The following CDH13 variants were observed in gnomAD, a reference collection of about 807,000 sequenced individuals.
The protein encoded by CDH13 is cadherin 13.
A neutral mutation model predicts 63.8 loss-of-function variants in CDH13; 24 were observed. The ratio of observed to expected loss-of-function variants is 0.38; its 90% CI spans 0.27 to 0.53. The LOEUF is 0.53. Ranked by LOEUF, CDH13 falls within the 20% of genes least tolerant of loss-of-function variation. CDH13 has a pLI of 0.85. For synonymous variants in CDH13, 503 were observed against 355.3 expected (o/e 1.42, Z -4.67); for missense variants, 1,049 against 903.1 (o/e 1.16, Z -2.07).
intron 1 of CDH13, among the ~76,000 whole-genome samples, chr16:82,842,824 A>T (rs1354889406): frequency 1.3e-5 from 2 of 152,102 alleles, no homozygotes; most frequent in Non-Finnish European, 2.9e-5. Context: ...GGGTGATGGG[A>T]GACAGTGACA....
rs1909525959 is a variant in CDH13 at position 82,976,489 on chromosome 16, C to T, written c.158-55521C>T. 2.0e-5 allele frequency among the ~76,000 whole-genome samples: 3 copies of T among 152,180 alleles called. No homozygotes were observed. In the South Asian group the frequency reaches 6.2e-4, roughly 31 times the overall value. On this transcript the variant is annotated intron_variant, in intron 2 of 13. Coordinates refer to ENST00000567109, the MANE Select transcript of CDH13 (RefSeq NM_001257.5). ...TCTTAGATGCTTTTCCAGTTATCCT[C>T]ATCATAGATTAAAATAATAATTGTT...
intron 4 of CDH13, among the ~76,000 whole-genome samples, chr16:83,150,790 C>T (rs2036946428): frequency 6.6e-6 from 1 of 152,212 alleles, no homozygotes; most frequent in South Asian, 2.1e-4. Flanking sequence ...AATGCTTGAG[C>T]TGGATTTCAA....
intron 1 of CDH13, among the ~76,000 whole-genome samples, chr16:82,687,247 T>C (rs927514165): frequency 6.6e-6 from 1 of 152,192 alleles, no homozygotes; most frequent in Non-Finnish European, 1.5e-5. Flanking sequence ...AGGCAGGGTT[T>C]AGCACAAGGG....
intron 5 of CDH13, among the ~76,000 whole-genome samples, chr16:83,270,943 C>G (rs915740482): frequency 2.8e-5 from 4 of 140,862 alleles, no homozygotes; most frequent in Non-Finnish European, 3.1e-5. Flanking sequence ...TCTTTCCCTT[C>G]CTCCCTCCCT....
intron 1 of CDH13, among the ~76,000 whole-genome samples, chr16:82,789,026 A>G (rs1870849): frequency 0.86 from 130,436 of 152,218 alleles, 56,976 homozygotes; most frequent in East Asian, 0.98. Flanking sequence ...CTGGGTTGCA[A>G]AGGAGGTTGC....
chr16:83,257,282 A>G (rs1276763133), intron 5 of CDH13, among the ~76,000 whole-genome samples: 1 of 152,176 alleles, frequency 6.6e-6, no homozygotes, highest in Non-Finnish European at 1.5e-5. Flanking sequence ...GGTTCAAAGA[A>G]GCCGAGACAG....
chr16:83,295,041 C>T (rs1018405370), intron 5 of CDH13, among the ~76,000 whole-genome samples: 2 of 151,970 alleles, frequency 1.3e-5, no homozygotes, highest in Non-Finnish European at 2.9e-5. Context: ...ACACATAGAC[C>T]AATTGAACAG....
At chr16:82,645,513 A>G (rs1416473198) in intron 1 of CDH13, among the ~76,000 whole-genome samples, 1 of 152,038 alleles carries the variant, frequency 6.6e-6, no homozygotes, top group African/African-American at 2.4e-5. Context: ...TCTAGTGGGC[A>G]GAGCTCAGGG....
intron 6 of CDH13, among the ~76,000 whole-genome samples, chr16:83,389,429 C>G (rs2091741410): frequency 6.6e-6 from 1 of 152,162 alleles, no homozygotes; most frequent in Non-Finnish European, 1.5e-5. Context: ...CCATTTGACC[C>G]CGAATTCCAA....
At chr16:82,928,860 C>G (rs1317491869) in intron 2 of CDH13, among the ~76,000 whole-genome samples, 1 of 152,218 alleles carries the variant, frequency 6.6e-6, no homozygotes, top group Non-Finnish European at 1.5e-5. Flanking sequence ...CACTTAGCCT[C>G]TTTTCTTCTT....
At chr16:83,521,173 TA>T (rs1336331260) in intron 7 of CDH13, among the ~76,000 whole-genome samples, 1 of 152,212 alleles carries the variant, frequency 6.6e-6, no homozygotes, top group African/African-American at 2.4e-5. Context: ...GTTTTAAATT[TA>T]AATTATTGCA....
At chr16:82,684,812 C>T (rs1914898088) in intron 1 of CDH13, among the ~76,000 whole-genome samples, 1 of 152,210 alleles carries the variant, frequency 6.6e-6, no homozygotes, top group African/African-American at 2.4e-5. Flanking sequence ...ACTCAGAGCC[C>T]ATACCCAAGT....
chr16:83,338,734 G>A (rs955351257), intron 5 of CDH13, among the ~76,000 whole-genome samples: 4 of 152,158 alleles, frequency 2.6e-5, no homozygotes, highest in Admixed American at 2.6e-4. Context: ...TTGGTAGGAG[G>A]GTTGTATGTA....
At chr16:83,385,862 A>G (rs1047470186) in intron 6 of CDH13, among the ~76,000 whole-genome samples, 1 of 152,174 alleles carries the variant, frequency 6.6e-6, no homozygotes, top group Non-Finnish European at 1.5e-5. Context: ...CTGACAGGCC[A>G]ATGTACTGAC....
intron 6 of CDH13, among the ~76,000 whole-genome samples, chr16:83,378,298 G>A (rs2091493252): frequency 6.6e-6 from 1 of 152,156 alleles, no homozygotes; most frequent in Admixed American, 6.5e-5. Flanking sequence ...TGGGAGAGCT[G>A]TAACTTACAC....
At position 82,921,271 on chromosome 16, in the gene CDH13, C is replaced by G. The variant is rs148439761; in HGVS notation, c.157+62798C>G. Among the ~76,000 whole-genome samples the G allele has an allele frequency of 1.0e-3, 155 of 152,300 alleles. No homozygotes were observed. In the Middle Eastern group the frequency reaches 0.014, roughly 13 times the overall value. Reference sequence around the variant, plus strand: ...TTAAGTGCTGGCAGAGCTACACTCTCTCCAGAAGCTCTCGGGGAGCTTCAT... The same window carrying G: ...TTAAGTGCTGGCAGAGCTACACTCTGTCCAGAAGCTCTCGGGGAGCTTCAT... On this transcript the variant is annotated intron_variant, in intron 2 of 13. Coordinates refer to ENST00000567109, the MANE Select transcript of CDH13 (RefSeq NM_001257.5).
At chr16:83,342,896 T>C (rs1012590396) in intron 5 of CDH13, among the ~76,000 whole-genome samples, 1 of 147,656 alleles carries the variant, frequency 6.8e-6, no homozygotes, top group Non-Finnish European at 1.5e-5. Flanking sequence ...TCCTTGGCTA[T>C]TTTGGGAAGA....
At chr16:82,692,186 C>T (rs1915710381) in intron 1 of CDH13, among the ~76,000 whole-genome samples, 1 of 152,150 alleles carries the variant, frequency 6.6e-6, no homozygotes. Flanking sequence ...AAGAAATAGG[C>T]AGAGAAGCTG....
At chr16:83,438,762 A>G (rs771077359) in intron 6 of CDH13, among the ~76,000 whole-genome samples, 2 of 152,208 alleles carry the variant, frequency 1.3e-5, no homozygotes, top group Non-Finnish European at 2.9e-5. Flanking sequence ...GTCTGACAAT[A>G]TTTCTTCTGA....
Sources: gnomAD v4.1 joint callset for allele counts (sites outside exome capture counted in the v4.1 genomes callset) on GRCh38, gnomAD v4.1.1 for gene constraint, MANE v1.5 for transcripts, NCBI Gene and HGNC (gene_info 2026-07-23, HGNC 2026-07-21) for gene names.